Variants in ANK2 observed in about 807,000 individuals in gnomAD.
ANK2 encodes ankyrin-2.
In ANK2, 83 loss-of-function variants were observed where a neutral mutation model predicts 360.5. That is an observed-to-expected ratio of 0.23 (90% CI 0.19 to 0.28). ANK2 has a LOEUF of 0.28. Among genes scored for constraint, ANK2 ranks in the 10% least tolerant of loss-of-function variants. ANK2 has a pLI of 1.00. For synonymous variants in ANK2, 1,740 were observed against 1,759.5 expected, an observed-to-expected ratio of 0.99 and a Z score of 0.28; for missense variants, 4,201 against 4,795.7, an observed-to-expected ratio of 0.88 and a Z score of 3.66.
chr4:113,172,114 A>G (rs773001378), intron 1 of ANK2, among the ~76,000 whole-genome samples: 65 of 152,294 alleles, frequency 4.3e-4, no homozygotes, highest in Non-Finnish European at 3.5e-4. Flanking sequence ...TCTCACATGA[A>G]TGTGTTTCTA....
chr4:113,343,211 A>T (rs1408535165), intron 34 of ANK2, 69 bp downstream of exon 34: 2 of 1,559,814 alleles, frequency 1.3e-6, no homozygotes, highest in African/African-American at 2.7e-5. Flanking sequence ...TTCCTTTAGT[A>T]ATAGAAAATT....
rs1260635239 is a variant in ANK2 at position 113,338,495 on chromosome 4, T to C, written c.3797-731T>C. On this transcript the variant is annotated intron_variant, in intron 31 of 45. Transcript: ENST00000357077. Reference sequence around the variant, plus strand: ...TCGAGAGGAACTTTTTTGAAAACAATTTCATAAAATATGAAGTTTAAGAAC... The same window carrying C: ...TCGAGAGGAACTTTTTTGAAAACAACTTCATAAAATATGAAGTTTAAGAAC... Among the ~76,000 whole-genome samples, 8 of 151,974 alleles carry C rather than the reference T, an allele frequency of 5.3e-5. No individual in the cohort carries two copies. The South Asian group carries it at 1.2e-3, about 24-fold the overall frequency.
At chr4:112,732,427 G>T in the ANK2 span, among the ~76,000 whole-genome samples, 1 of 151,716 alleles carries the variant, frequency 6.6e-6, no homozygotes, top group African/African-American at 2.4e-5. Context: ...CTTGTTTTTT[G>T]TAGCAAGGGG....
At chr4:113,316,503 T>C (rs1453288367) in intron 24 of ANK2, among the ~76,000 whole-genome samples, 1 of 152,234 alleles carries the variant, frequency 6.6e-6, no homozygotes, top group African/African-American at 2.4e-5. Flanking sequence ...TAGTTTCTAC[T>C]AATAAATATG....
intron 1 of ANK2, among the ~76,000 whole-genome samples, chr4:112,901,273 T>G (rs912075558): frequency 1.3e-5 from 2 of 152,142 alleles, no homozygotes; most frequent in Non-Finnish European, 2.9e-5. Context: ...TTTTTAGTAG[T>G]TGTGATTGGA....
chr4:112,975,563 G>A (rs1278932112), intron 2 of ANK2, among the ~76,000 whole-genome samples: 1 of 152,146 alleles, frequency 6.6e-6, no homozygotes, highest in South Asian at 2.1e-4. Flanking sequence ...AAAGGAGAGG[G>A]CTGGCTGACG....
intron 17 of ANK2, among the ~76,000 whole-genome samples, chr4:113,279,235 A>G (rs2061353600): frequency 6.6e-6 from 1 of 152,180 alleles, no homozygotes; most frequent in Non-Finnish European, 1.5e-5. Context: ...AGCTATTTTG[A>G]GAACACATCA....
chr4:112,947,871 T>C (rs1182224456), intron 2 of ANK2, among the ~76,000 whole-genome samples: 1 of 152,208 alleles, frequency 6.6e-6, no homozygotes, highest in East Asian at 1.9e-4. Context: ...TTGATGTCAG[T>C]GAATACAGTG....
intron 23 of ANK2, among the ~76,000 whole-genome samples, chr4:113,310,883 T>G (rs2079603412): frequency 6.6e-6 from 1 of 152,210 alleles, no homozygotes; most frequent in Non-Finnish European, 1.5e-5. Flanking sequence ...AACTCATATT[T>G]TTTTCTGAAA....
intron 1 of ANK2, among the ~76,000 whole-genome samples, chr4:112,896,498 A>G (rs1463992447): frequency 6.6e-6 from 1 of 152,224 alleles, no homozygotes; most frequent in African/African-American, 2.4e-5. Flanking sequence ...GAAAAAAAGG[A>G]TTGAGGAATG....
intron 1 of ANK2, among the ~76,000 whole-genome samples, chr4:112,830,787 G>A (rs759153617): frequency 6.6e-6 from 1 of 152,172 alleles, no homozygotes; most frequent in Non-Finnish European, 1.5e-5. Context: ...AGCTCCCTCT[G>A]CTTGCAGGGA....
intron 1 of ANK2, among the ~76,000 whole-genome samples, chr4:113,129,096 A>C (rs2095848853): frequency 6.6e-6 from 1 of 152,198 alleles, no homozygotes; most frequent in Admixed American, 6.5e-5. Context: ...ATAACTAATA[A>C]AAACAAATAA....
intron 1 of ANK2, among the ~76,000 whole-genome samples, chr4:113,143,233 G>A (rs955096842): frequency 5.4e-5 from 2 of 37,296 alleles, no homozygotes; most frequent in Non-Finnish European, 1.1e-4. Flanking sequence ...CACAAAATAA[G>A]GGACTAATAT....
At chr4:113,201,684 C>T (rs2098832889) in intron 4 of ANK2, among the ~76,000 whole-genome samples, 1 of 152,112 alleles carries the variant, frequency 6.6e-6, no homozygotes, top group South Asian at 2.1e-4. Flanking sequence ...TAAAAGTTGA[C>T]TAGTAGCAAA....
At chr4:112,761,270 T>C in the ANK2 span, among the ~76,000 whole-genome samples, 2 of 152,186 alleles carry the variant, frequency 1.3e-5, no homozygotes, top group Non-Finnish European at 2.9e-5. Flanking sequence ...TTTATTTCTT[T>C]TGTAAGCCTT....
At chr4:112,946,039 G>A (rs1202708733) in intron 2 of ANK2, among the ~76,000 whole-genome samples, 1 of 152,200 alleles carries the variant, frequency 6.6e-6, no homozygotes, top group African/African-American at 2.4e-5. Context: ...CACTCTGCAA[G>A]TAATCATGCT....
At chr4:113,294,791 T>C (rs2153749893) in intron 22 of ANK2, among the ~76,000 whole-genome samples, 1 of 152,324 alleles carries the variant, frequency 6.6e-6, no homozygotes, top group South Asian at 2.1e-4. Flanking sequence ...TGATAAATTA[T>C]ATAGGAGAAA....
the ANK2 span, among the ~76,000 whole-genome samples, chr4:112,765,354 T>C: frequency 6.6e-6 from 1 of 152,194 alleles, no homozygotes; most frequent in East Asian, 1.9e-4. Flanking sequence ...AACAGTTCTC[T>C]TCCTCATCCC....
the ANK2 span, among the ~76,000 whole-genome samples, chr4:112,800,637 G>A: frequency 6.6e-6 from 1 of 152,088 alleles, no homozygotes; most frequent in African/African-American, 2.4e-5. Context: ...AACCCCTTTT[G>A]AGAAAGTCAG....
Sources: gnomAD v4.1 joint callset for allele counts (sites outside exome capture counted in the v4.1 genomes callset) on GRCh38, gnomAD v4.1.1 for gene constraint, MANE v1.5 for transcripts, NCBI Gene and HGNC (gene_info 2026-07-23, HGNC 2026-07-21) for gene names.